CEP128: variants seen among roughly 807,000 people sequenced by gnomAD.
CEP128 encodes the protein centrosomal protein 128kDa.
Under a neutral mutation model 156.7 loss-of-function variants are expected in CEP128, and 132 were observed. The ratio of observed to expected loss-of-function variants is 0.84; its 90% confidence interval spans 0.73 to 0.97. The LOEUF (loss-of-function observed/expected upper bound fraction) is 0.97. Ranked by LOEUF, CEP128 falls within the 50% of genes least tolerant of loss-of-function variation. CEP128 has a pLI of 0.00. For missense variants in CEP128, 1,252 were observed against 1,281.9 expected (o/e 0.98, Z 0.36); for synonymous variants, 469 against 448.9 (o/e 1.04, Z -0.57).
In CEP128 at chr14:80,882,442, A is replaced by G. The variant is rs73342195; in HGVS notation, c.645+13276T>C. Among the ~76,000 whole-genome samples the G allele has an allele frequency of 7.3e-3, 1,119 of 152,288 alleles. 15 individuals are homozygous for G. The highest frequency in any genetic ancestry group is 0.025 in the African/African-American group (1,022 of 41,568). On this transcript the variant is annotated intron_variant, in intron 8 of 24. Coordinates refer to ENST00000555265, the MANE Select transcript of CEP128 (RefSeq NM_152446.5). ...AACAAATGCTGGTGAGGGTATGGAA[A>G]AAAAGAGAACCCTCCTACACTGTTC... is the stretch of plus-strand genomic sequence containing the variant.
chr14:80,729,052 G>GGTGGGTGTGT (rs1898130450), intron 19 of CEP128, among the ~76,000 whole-genome samples: 1 of 94,688 alleles, frequency 1.1e-5, no homozygotes, highest in African/African-American at 5.6e-5. Flanking sequence ...AGGCTGGGCT[G>GGTGGGTGTGT]GTGGGGGTGT....
At chr14:80,861,053 A>G (rs191100257) in intron 9 of CEP128, among the ~76,000 whole-genome samples, 45 of 152,146 alleles carry the variant, frequency 3.0e-4, no homozygotes, top group African/African-American at 1.0e-3. Context: ...ACAAAATATA[A>G]CCAATATAAT....
At chr14:80,674,193 C>T (rs1895972585) in intron 19 of CEP128, among the ~76,000 whole-genome samples, 1 of 151,676 alleles carries the variant, frequency 6.6e-6, no homozygotes, top group Non-Finnish European at 1.5e-5. Context: ...ATTATGTGAT[C>T]TCTGAACCCA....
intron 16 of CEP128, among the ~76,000 whole-genome samples, chr14:80,762,148 T>C (rs1050708731): frequency 6.6e-6 from 1 of 152,168 alleles, no homozygotes; most frequent in African/African-American, 2.4e-5. Context: ...TCGTGAAAAT[T>C]TGATAAAAGA....
intron 16 of CEP128, among the ~76,000 whole-genome samples, chr14:80,770,103 C>T (rs1900440335): frequency 6.6e-6 from 1 of 152,176 alleles, no homozygotes; most frequent in Non-Finnish European, 1.5e-5. Context: ...TTGCCTTCTC[C>T]TCTAGACCCT....
Position 80,792,960 on chromosome 14 carries a change from C to T in CEP128, c.1360G>A (p.Ala454Thr). ...ISELTRHAEDATKQAERYLSE... is the reference protein window; with the variant it reads ...ISELTRHAEDTTKQAERYLSE... ...AGGTACCGCTCAGCCTGCTTGGTTGCATCCTCCGCATGGCGAGTCAGCTCT... is the reference window on the plus strand; with the variant it reads ...AGGTACCGCTCAGCCTGCTTGGTTGTATCCTCCGCATGGCGAGTCAGCTCT... Residue 454 changes from alanine to threonine, a missense_variant, in exon 14 of 25, where the codon GCA (alanine) becomes ACA (threonine). Transcript: ENST00000555265. The T allele has an allele frequency of 2.5e-6, 4 of 1,614,186 alleles. No homozygotes were observed. Among genetic ancestry groups the T allele is most frequent in the Non-Finnish European group, 3.4e-6 (4 of 1,180,036 alleles).
At chr14:80,947,436 G>C (rs1886371962) in intron 2 of CEP128, among the ~76,000 whole-genome samples, 1 of 152,156 alleles carries the variant, frequency 6.6e-6, no homozygotes, top group Non-Finnish European at 1.5e-5. Flanking sequence ...AACATTCTCA[G>C]ATAGGACAGG....
intron 21 of CEP128, among the ~76,000 whole-genome samples, chr14:80,555,692 T>G (rs1403348483): frequency 6.6e-6 from 1 of 152,118 alleles, no homozygotes; most frequent in Non-Finnish European, 1.5e-5. Context: ...TGAAAGGGCT[T>G]CTGGGGCTCT....
intron 19 of CEP128, among the ~76,000 whole-genome samples, chr14:80,690,807 A>G (rs924343424): frequency 3.9e-5 from 6 of 152,194 alleles, no homozygotes; most frequent in Admixed American, 3.3e-4. Flanking sequence ...ATTTCATTAT[A>G]TATGAAAAAT....
At chr14:80,676,027 C>T (rs530885207) in intron 19 of CEP128, among the ~76,000 whole-genome samples, 61 of 152,094 alleles carry the variant, frequency 4.0e-4, no homozygotes, top group African/African-American at 1.3e-3. Flanking sequence ...TTTCTCTAGG[C>T]TACTTGTTAA....
intron 19 of CEP128, 59 bp downstream of exon 19, chr14:80,743,009 TCCAATCC>T: frequency 6.8e-7 from 1 of 1,468,376 alleles, no homozygotes; most frequent in Non-Finnish European, 9.4e-7. Context: ...TAGGTTTTTT[TCCAATCC>T]TAGGATTAGG....
intron 1 of CEP128, among the ~76,000 whole-genome samples, chr14:80,939,830 A>G (rs1886047227): frequency 6.6e-6 from 1 of 152,174 alleles, no homozygotes; most frequent in Non-Finnish European, 1.5e-5. Flanking sequence ...GCCAAAAAGT[A>G]CTATGTATGA....
At chr14:80,830,855 T>C (rs1012858042) in intron 13 of CEP128, 4 of 295,946 alleles carry the variant, frequency 1.4e-5, no homozygotes, top group East Asian at 8.1e-5. Flanking sequence ...AAGGGTTCAA[T>C]TGCTATTAGA....
intron 19 of CEP128, among the ~76,000 whole-genome samples, chr14:80,719,163 C>A (rs1443863395): frequency 6.6e-6 from 1 of 152,190 alleles, no homozygotes; most frequent in East Asian, 1.9e-4. Flanking sequence ...GAAGCTACCA[C>A]CCCATTCCAT....
intron 19 of CEP128, among the ~76,000 whole-genome samples, chr14:80,614,895 C>T (rs1170466873): frequency 6.6e-6 from 1 of 152,178 alleles, no homozygotes; most frequent in Non-Finnish European, 1.5e-5. Flanking sequence ...CTTCTTCTTT[C>T]CCTAAGAATT....
intron 19 of CEP128, among the ~76,000 whole-genome samples, chr14:80,647,021 ATATATATGTGTGCATG>A (rs1894667575): frequency 1.5e-4 from 19 of 128,222 alleles, no homozygotes; most frequent in Non-Finnish European, 2.2e-4. Context: ...ATGTGTGTGT[ATATATATGTGTGCATG>A]TATATATATA....
At chr14:80,566,086 A>C (rs1049649080) in intron 20 of CEP128, among the ~76,000 whole-genome samples, 1 of 152,160 alleles carries the variant, frequency 6.6e-6, no homozygotes, top group Non-Finnish European at 1.5e-5. Context: ...CTTTTCAAAA[A>C]GAAAAACCCA....
upstream of CEP128, among the ~76,000 whole-genome samples, chr14:80,943,023 C>T (rs1423735798): frequency 6.6e-6 from 1 of 152,148 alleles, no homozygotes. Flanking sequence ...GAAATTGTTC[C>T]TCAAGAATAC....
In CEP128 at chr14:80,676,672, A is replaced by AT. The variant is rs541132344; in HGVS notation, c.2806+66402dup. On this transcript the variant is annotated intron_variant, in intron 19 of 24. Transcript: ENST00000555265. ...TTCTATTTAAAAGGATGTTTCAAAG[A>AT]TTTTTTTCCCACAGATATATCACAT... Among the ~76,000 whole-genome samples the AT allele has an allele frequency of 1.6e-3, 237 of 152,184 alleles. 1 individual carries two copies. Among genetic ancestry groups the AT allele is most frequent in the African/African-American group, 5.4e-3 (226 of 41,542 alleles).
Sources: gnomAD v4.1 joint callset for allele counts (sites outside exome capture counted in the v4.1 genomes callset) on GRCh38, gnomAD v4.1.1 for gene constraint, MANE v1.5 for transcripts, NCBI Gene and HGNC (gene_info 2026-07-23, HGNC 2026-07-21) for gene names.